The following OPRK1 variants were observed in gnomAD, a reference collection of about 807,000 sequenced individuals.
OPRK1 encodes kappa-type opioid receptor.
Under a neutral mutation model 24.5 loss-of-function variants are expected in OPRK1, and 15 were observed. That is an observed-to-expected ratio of 0.61 (90% CI 0.41 to 0.94). The LOEUF (loss-of-function observed/expected upper bound fraction) is 0.94, where lower values mean the gene tolerates loss of function less well. Ranked by LOEUF, OPRK1 falls within the 40% of genes least tolerant of loss-of-function variation. OPRK1 has a pLI of 0.00. For synonymous variants in OPRK1, 205 were observed against 198.0 expected (o/e 1.04, Z -0.30); for missense variants, 479 against 507.3 (o/e 0.94, Z 0.54).
chr8:53,231,311 T>A (rs945594173), intron 3 of OPRK1, among the ~76,000 whole-genome samples: 1 of 152,212 alleles, frequency 6.6e-6, no homozygotes, highest in African/African-American at 2.4e-5. Context: ...AAATCTGAGT[T>A]CAATATAAAT....
At chr8:53,231,399 GT>G (rs1245148394) in intron 3 of OPRK1, among the ~76,000 whole-genome samples, 3 of 152,102 alleles carry the variant, frequency 2.0e-5, no homozygotes, top group African/African-American at 4.8e-5. Context: ...GGTTTGGTTT[GT>G]TTTTTTCTGC....
chr8:53,250,732 C>T (rs753157721), intron 2 of OPRK1, 49 bp downstream of exon 2: 2 of 1,530,614 alleles, frequency 1.3e-6, no homozygotes, highest in African/African-American at 1.4e-5. Flanking sequence ...GCCTGACCCT[C>T]ACTCCCTGCC....
rs60954107 is a variant in OPRK1, at chr8:53,227,257, CAAAAAAAAAAAA to C, written c.*2028_*2039del. 1 of 82,700 alleles carries C rather than the reference CAAAAAAAAAAAA, an allele frequency of 1.2e-5. No homozygotes were observed. Among genetic ancestry groups the C allele is most frequent in the East Asian group, 4.1e-4 (1 of 2,414 alleles). The allele number at this position is 82,700 out of a possible 1,614,324, so 5.1% of individuals were successfully genotyped here. A position where few individuals can be genotyped will look rare whatever the true frequency, so the allele number is the denominator to read the frequency against. ...TGGGCAACAGAGCGAGACTCCGTCT[CAAAAAAAAAAAA>C]AAAAAAAAAGAAGACAGAAAAAATT... On this transcript the variant is annotated 3_prime_UTR_variant, in exon 4 of 4. Coordinates refer to ENST00000265572, the MANE Select transcript of OPRK1 (RefSeq NM_000912.5).
intron 2 of OPRK1, chr8:53,242,760 C>T: frequency 1.8e-6 from 2 of 1,108,724 alleles, no homozygotes; most frequent in Middle Eastern, 2.6e-4. Flanking sequence ...CCTGCCTCGG[C>T]CTCCCAAAGT....
At chr8:53,243,411 G>A (rs1357067108) in intron 2 of OPRK1, among the ~76,000 whole-genome samples, 4 of 152,178 alleles carry the variant, frequency 2.6e-5, no homozygotes, top group African/African-American at 9.7e-5. Flanking sequence ...CAGAAAACAC[G>A]TAAAGTCAAC....
intron 2 of OPRK1, among the ~76,000 whole-genome samples, chr8:53,244,991 C>T (rs1807197292): frequency 6.6e-6 from 1 of 152,170 alleles, no homozygotes; most frequent in Admixed American, 6.5e-5. Flanking sequence ...CAGATCCTCC[C>T]TTATACTCTA....
intron 2 of OPRK1, among the ~76,000 whole-genome samples, chr8:53,239,478 G>C (rs1425286219): frequency 6.6e-6 from 1 of 152,222 alleles, no homozygotes; most frequent in Non-Finnish European, 1.5e-5. Flanking sequence ...TGGATTTCCT[G>C]GTTCAGGGTT....
At chr8:53,243,722 T>C (rs1052974156) in intron 2 of OPRK1, among the ~76,000 whole-genome samples, 1 of 152,250 alleles carries the variant, frequency 6.6e-6, no homozygotes, top group Non-Finnish European at 1.5e-5. Flanking sequence ...AAAGATAGTC[T>C]CTTGAAAATA....
At chr8:53,230,940 T>C (rs1806837495) in intron 3 of OPRK1, among the ~76,000 whole-genome samples, 2 of 152,242 alleles carry the variant, frequency 1.3e-5, no homozygotes, top group Non-Finnish European at 2.9e-5. Context: ...AACAGCTCTA[T>C]TAATGTTTTC....
Position 53,229,686 on chromosome 8 carries a change from G to A in OPRK1, c.754C>T (p.Arg252Cys), listed in dbSNP as rs772138918. 3.1e-6 allele frequency: 5 copies of A among 1,614,126 alleles called. No individual in the cohort carries two copies. Among genetic ancestry groups the A allele is most frequent in the East Asian group, 2.2e-5 (1 of 44,876 alleles). ...IIVCYTLMIL[R>C]LKSVRLLSGS... is the part of the protein sequence containing the mutation. ...GAAAGGAGCCGGACGCTCTTGAGAC[G>A]CAGGATCATCAGGGTGTAGCAGACG... The change falls in exon 4 of 4, where the codon CGT becomes TGT. Residue 252 changes from arginine (R) to cysteine (C), a missense_variant. Arg to Cys is a radical substitution (Grantham distance 180, BLOSUM62 -3). Coordinates refer to ENST00000265572, the MANE Select transcript of OPRK1 (RefSeq NM_000912.5).
At chr8:53,235,150 A>T (rs1467661053) in intron 2 of OPRK1, 39 bp from the exon 3 acceptor site, 2 of 1,552,298 alleles carry the variant, frequency 1.3e-6, no homozygotes, top group Admixed American at 3.4e-5. Context: ...CTCCATTTTC[A>T]AGTCAAACCC....
rs745524469 is a variant in OPRK1, at chr8:53,250,845, C to T, written c.193G>A (p.Val65Ile). 1.2e-6 allele frequency: 2 copies of T among 1,613,526 alleles called. No homozygotes were observed. Among genetic ancestry groups the T allele is most frequent in the South Asian group, 1.1e-5 (1 of 91,044 alleles). ...SPAIPVIITA[V>I]YSVVFVVGLV... ...CCCACGACGAACACTACGGAGTAGA[C>T]CGCCGTGATGATGACCGGGATGGCC... The change falls in exon 2 of 4, where the codon GTC (valine) becomes ATC (isoleucine). Residue 65 changes from valine (V) to isoleucine (I), a missense_variant. Physicochemically the swap from Val to Ile is conservative, Grantham distance 29. Coordinates refer to ENST00000265572, the MANE Select transcript of OPRK1 (RefSeq NM_000912.5).
At position 53,229,320 on chromosome 8, in the gene OPRK1, C is replaced by G. The variant is rs9282808; in HGVS notation, c.1120G>C (p.Asp374His). ...VQDPAYLRDI[D>H]GMNKPV The stretch of plus-strand genomic sequence containing the variant: ...AGTCATACTGGTTTATTCATCCCAT[C>G]GATGTCCCTCAGGTAAGCAGGATCC... The change falls in exon 4 of 4, where the codon GAT becomes CAT. Residue 374 changes from aspartate to histidine, a missense_variant. Coordinates refer to ENST00000265572, the MANE Select transcript of OPRK1 (RefSeq NM_000912.5). 3.2e-5 allele frequency: 51 copies of G among 1,613,738 alleles called. No homozygotes were observed. The highest frequency in any genetic ancestry group is 4.2e-5 in the Non-Finnish European group (50 of 1,179,816).
rs777124079 is a variant in OPRK1, at chr8:53,229,696, C to A, written c.744G>T (p.Leu248=). ...PVLIIIVCYT[L]MILRLKSVRL... ...GGACGCTCTTGAGACGCAGGATCAT[C>A]AGGGTGTAGCAGACGATGATGATGA... The change falls in exon 4 of 4, where the codon CTG becomes CTT. Residue 248 remains leucine (L), a synonymous_variant. Coordinates refer to ENST00000265572, the MANE Select transcript of OPRK1 (RefSeq NM_000912.5). 6.2e-7 allele frequency: 1 copy of A among 1,614,138 alleles called. No homozygotes were observed. The highest frequency in any genetic ancestry group is 8.5e-7 in the Non-Finnish European group (1 of 1,180,032).
rs1308823635 is a variant in OPRK1, at chr8:53,229,838, G to A, written c.611-9C>T. The A allele has an allele frequency of 1.3e-6, 2 of 1,531,452 alleles. No homozygotes were observed. Among genetic ancestry groups the A allele is most frequent in the African/African-American group, 1.4e-5 (1 of 71,950 alleles). 94.9% of individuals were successfully genotyped at this position (1,531,452 alleles called of 1,614,324 possible). ...CTCAATGACATCGACGTCTGGAGGA[G>A]GGCAATAAAAACCACAACACAGAAA... On this transcript the variant is annotated splice_polypyrimidine_tract_variant and intron_variant, in intron 3 of 3. Transcript: ENST00000265572.
intron 3 of OPRK1, among the ~76,000 whole-genome samples, chr8:53,232,747 T>C (rs1198964998): frequency 1.3e-5 from 2 of 152,232 alleles, no homozygotes; most frequent in African/African-American, 4.8e-5. Flanking sequence ...GTCATAATTA[T>C]AGAGTTAGTT....
At chr8:53,239,668 T>G (rs550183000) in intron 2 of OPRK1, among the ~76,000 whole-genome samples, 1 of 152,216 alleles carries the variant, frequency 6.6e-6, no homozygotes, top group Non-Finnish European at 1.5e-5. Flanking sequence ...AAATGAGACA[T>G]GCATAAAATT....
chr8:53,230,715 A>C (rs1806829430), intron 3 of OPRK1, among the ~76,000 whole-genome samples: 2 of 152,084 alleles, frequency 1.3e-5, no homozygotes, highest in South Asian at 4.1e-4. Flanking sequence ...CCATGGGCTC[A>C]CCTTTCCCCA....
chr8:53,236,520 C>T (rs1004638192), intron 2 of OPRK1, among the ~76,000 whole-genome samples: 2 of 152,120 alleles, frequency 1.3e-5, no homozygotes, highest in African/African-American at 2.4e-5. Context: ...ATCTGGAAAG[C>T]GAGGAGTTTA....
Sources: gnomAD v4.1 joint callset for allele counts (sites outside exome capture counted in the v4.1 genomes callset) on GRCh38, gnomAD v4.1.1 for gene constraint, MANE v1.5 for transcripts, NCBI Gene and HGNC (gene_info 2026-07-23, HGNC 2026-07-21) for gene names.